Variants in TTC28 observed in about 807,000 individuals in gnomAD.
The protein encoded by TTC28 is tetratricopeptide repeat domain 28.
A neutral mutation model predicts 198.0 loss-of-function variants in TTC28; 61 were observed. The ratio of observed to expected loss-of-function variants is 0.31; its 90% confidence interval spans 0.25 to 0.38. The LOEUF is 0.38. Ranked by LOEUF, TTC28 falls within the 10% of genes least tolerant of loss-of-function variation. The pLI is 1.00. For synonymous variants in TTC28, 1,171 were observed against 1,297.8 expected, an observed-to-expected ratio of 0.90 and a Z score of 2.10; for missense variants, 2,678 against 3,164.0, an observed-to-expected ratio of 0.85 and a Z score of 3.69.
At chr22:28,600,879 A>G (rs2050629597) in intron 2 of TTC28, among the ~76,000 whole-genome samples, 2 of 152,180 alleles carry the variant, frequency 1.3e-5, no homozygotes, top group Admixed American at 6.5e-5. Flanking sequence ...TACTAAAAAT[A>G]TGTCCTTTTC....
At position 28,049,099 on chromosome 22, in the gene TTC28, G is replaced by GTC. The variant is rs371184228; in HGVS notation, c.3933-18735_3933-18734dup. On this transcript the variant is annotated intron_variant, in intron 12 of 22. Transcript: ENST00000397906. ...TGTGGAGGCACGGACCCTGTCTCAA[G>GTC]TCTCTGATCCTTATAAGGGCTAGCA... is the stretch of plus-strand genomic sequence containing the variant. Among the ~76,000 whole-genome samples, 160 of 152,274 alleles carry GTC rather than the reference G, an allele frequency of 1.1e-3. 1 individual carries two copies. The highest frequency in any genetic ancestry group is 2.7e-3 in the African/African-American group (114 of 41,558).
chr22:28,422,441 A>ATT (rs766933774), intron 2 of TTC28, among the ~76,000 whole-genome samples: 6 of 144,702 alleles, frequency 4.1e-5, no homozygotes, highest in African/African-American at 7.6e-5. Flanking sequence ...ACATTAAATA[A>ATT]TTTTTTTTTT....
chr22:28,236,493 T>C (rs748453230), intron 5 of TTC28, among the ~76,000 whole-genome samples: 1 of 150,042 alleles, frequency 6.7e-6, no homozygotes, highest in East Asian at 1.9e-4. Flanking sequence ...ACCCTATTGA[T>C]AGTGATAAAT....
intron 2 of TTC28, among the ~76,000 whole-genome samples, chr22:28,415,611 AAC>A (rs1405606548): frequency 6.6e-6 from 1 of 152,254 alleles, no homozygotes. Flanking sequence ...AGATGTACAC[AAC>A]AGTCCTCTGA....
chr22:28,038,487 T>C (rs1468129022), intron 12 of TTC28, among the ~76,000 whole-genome samples: 6 of 152,128 alleles, frequency 3.9e-5, no homozygotes, highest in African/African-American at 7.2e-5. Context: ...TGAAACTGGA[T>C]CCCTTCCTTA....
At chr22:28,491,396 C>T (rs1971163627) in intron 2 of TTC28, among the ~76,000 whole-genome samples, 1 of 152,138 alleles carries the variant, frequency 6.6e-6, no homozygotes, top group Non-Finnish European at 1.5e-5. Flanking sequence ...CTACAATAAA[C>T]TCAAACAAAC....
intron 2 of TTC28, among the ~76,000 whole-genome samples, chr22:28,460,171 A>C (rs186727158): frequency 4.6e-5 from 7 of 152,264 alleles, no homozygotes; most frequent in Admixed American, 1.3e-4. Context: ...TGAATAAGCA[A>C]AAGAAGCCAG....
At chr22:28,504,368 T>C (rs1485468135) in intron 2 of TTC28, among the ~76,000 whole-genome samples, 1 of 152,236 alleles carries the variant, frequency 6.6e-6, no homozygotes, top group East Asian at 1.9e-4. Flanking sequence ...TGTGTGTGTG[T>C]GTGTCTGTTT....
At chr22:28,327,693 C>A (rs2045553851) in intron 2 of TTC28, among the ~76,000 whole-genome samples, 1 of 152,146 alleles carries the variant, frequency 6.6e-6, no homozygotes, top group Non-Finnish European at 1.5e-5. Flanking sequence ...GAAAAGGAAA[C>A]CATTTTCCCC....
chr22:28,153,241 A>T (rs1354966537), intron 6 of TTC28, among the ~76,000 whole-genome samples: 4 of 151,970 alleles, frequency 2.6e-5, no homozygotes, highest in African/African-American at 7.2e-5. Flanking sequence ...TGTAAATAAG[A>T]GGAATAATAT....
rs1209042029 is a variant in TTC28 at position 27,978,648 on chromosome 22, A to T, written c.*3573T>A. The T allele has an allele frequency of 6.6e-6, 1 of 152,254 alleles. No homozygotes were observed. The highest frequency in any genetic ancestry group is 1.5e-5 in the Non-Finnish European group (1 of 68,050). The allele number at this position is 152,254 out of a possible 1,614,324, so 9.4% of individuals were successfully genotyped here. On this transcript the variant is annotated 3_prime_UTR_variant, in exon 23 of 23. Coordinates refer to ENST00000397906, the MANE Select transcript of TTC28 (RefSeq NM_001145418.2). ...GTTTCAGTGTGGACCGTGAATTTTTAAAAAATGGAATGGAGGTGAAAACTT... is the reference window on the plus strand; with the variant it reads ...GTTTCAGTGTGGACCGTGAATTTTTTAAAAATGGAATGGAGGTGAAAACTT...
At chr22:28,607,029 C>T (rs1205272447) in intron 2 of TTC28, among the ~76,000 whole-genome samples, 1 of 152,160 alleles carries the variant, frequency 6.6e-6, no homozygotes, top group Non-Finnish European at 1.5e-5. Context: ...TAAGACCCTC[C>T]TTAAACCTGA....
chr22:28,461,929 G>A (rs1003570578), intron 2 of TTC28, among the ~76,000 whole-genome samples: 26 of 151,960 alleles, frequency 1.7e-4, no homozygotes, highest in South Asian at 6.2e-4. Context: ...AGGTCCTTCC[G>A]TCCCAGTTAC....
intron 5 of TTC28, among the ~76,000 whole-genome samples, chr22:28,288,889 G>A (rs934803870): frequency 6.6e-6 from 1 of 151,576 alleles, no homozygotes; most frequent in African/African-American, 2.4e-5. Context: ...GCCCAAGCTT[G>A]TTGACTATCT....
chr22:28,207,242 C>G lies in TTC28; in HGVS notation c.934-43643G>C, dbSNP rs367568783. Among the ~76,000 whole-genome samples, 1,314 of 141,206 alleles carry G rather than the reference C, an allele frequency of 9.3e-3. 25 individuals carry two copies. Among genetic ancestry groups the G allele is most frequent in the African/African-American group, 0.033 (1,238 of 38,082 alleles). 92.6% of individuals were successfully genotyped at this position (141,206 alleles called of 152,430 possible). On this transcript the variant is annotated intron_variant, in intron 5 of 22. Transcript: ENST00000397906. ...GCAGATGGAAAAAAAAAAAAAAGCA[C>G]AAAAAAAAACAGGCCTTCAATAAAT...
intron 12 of TTC28, among the ~76,000 whole-genome samples, chr22:28,031,778 T>C (rs1468022409): frequency 1.3e-5 from 2 of 152,174 alleles, no homozygotes; most frequent in Admixed American, 1.3e-4. Context: ...TTAAACATTA[T>C]TTGGGATGTG....
intron 5 of TTC28, among the ~76,000 whole-genome samples, chr22:28,180,484 C>T (rs928085171): frequency 3.3e-5 from 5 of 152,114 alleles, no homozygotes; most frequent in African/African-American, 9.7e-5. Context: ...GAAGCGATCA[C>T]GTTTACTTCT....
chr22:28,194,662 G>A (rs1344796194), intron 5 of TTC28, among the ~76,000 whole-genome samples: 4 of 151,158 alleles, frequency 2.6e-5, no homozygotes, highest in East Asian at 3.9e-4. Flanking sequence ...ACACCTCTAC[G>A]GAAATAAACT....
At chr22:28,143,916 A>G (rs760734042) in intron 6 of TTC28, among the ~76,000 whole-genome samples, 6 of 152,230 alleles carry the variant, frequency 3.9e-5, no homozygotes, top group African/African-American at 9.6e-5. Context: ...AGGAATCTTC[A>G]AATTTTTTTA....
Sources: allele counts gnomAD v4.1 joint callset (sites outside exome capture counted in the v4.1 genomes callset), GRCh38; gene constraint gnomAD v4.1.1; transcripts MANE v1.5; gene names NCBI Gene and HGNC (gene_info 2026-07-23, HGNC 2026-07-21).